ARHGEF10L: variants seen among roughly 807,000 people sequenced by gnomAD.
ARHGEF10L encodes Rho guanine nucleotide exchange factor 10 like.
A neutral mutation model predicts 141.2 loss-of-function variants in ARHGEF10L; 69 were observed. That is an observed-to-expected ratio of 0.49 (90% CI 0.40 to 0.60). The LOEUF (loss-of-function observed/expected upper bound fraction) is 0.60, where lower values mean the gene tolerates loss of function less well. Ranked by LOEUF, ARHGEF10L falls within the 20% of genes least tolerant of loss-of-function variation. The probability of loss-of-function intolerance (pLI) is 0.00; values close to 1 mark genes in which losing one functional copy is unlikely to be tolerated. For synonymous variants in ARHGEF10L, 711 were observed against 718.5 expected, an observed-to-expected ratio of 0.99 and a Z score of 0.17; for missense variants, 1,482 against 1,734.3, an observed-to-expected ratio of 0.85 and a Z score of 2.58.
intron 1 of ARHGEF10L, among the ~76,000 whole-genome samples, chr1:17,549,615 G>A (rs1035732263): frequency 8.5e-5 from 13 of 152,164 alleles, no homozygotes; most frequent in African/African-American, 2.9e-4. Context: ...TACAGCAAAT[G>A]CAAAAGCCCT....
chr1:17,519,305 C>T, the ARHGEF10L span, among the ~76,000 whole-genome samples: 1 of 151,978 alleles, frequency 6.6e-6, no homozygotes, highest in African/African-American at 2.4e-5. Context: ...ATTATAATCA[C>T]CCCAGGTTAA....
chr1:17,586,446 A>G (rs181356757), intron 2 of ARHGEF10L, among the ~76,000 whole-genome samples: 1 of 152,282 alleles, frequency 6.6e-6, no homozygotes, highest in African/African-American at 2.4e-5. Flanking sequence ...TGGTTTTGCA[A>G]TGGTTTGCAT....
rs1037214519 is a variant in ARHGEF10L, at chr1:17,623,597, G to A, written c.1200+422G>A. On this transcript the variant is annotated intron_variant, in intron 12 of 28. Transcript: ENST00000361221. This position sits in a 1 kb window ranked among gnomAD's most constrained non-coding sequence, Gnocchi z 4.7. ...TGCTGGGGAAAGGGCACTGGCTCAC[G>A]ATCCGGGGGACCTGGTTCTGGTCCC... is the stretch of plus-strand genomic sequence containing the variant. Among the ~76,000 whole-genome samples the A allele has an allele frequency of 2.0e-5, 3 of 152,152 alleles. No homozygotes were observed. The highest frequency in any genetic ancestry group is 4.8e-5 in the African/African-American group (2 of 41,434).
rs1372341806 is a variant in ARHGEF10L, at chr1:17,603,905, G to A, written c.433+314G>A. On this transcript the variant is annotated intron_variant, in intron 6 of 28. Transcript: ENST00000361221. This position sits in a 1 kb window ranked among gnomAD's most constrained non-coding sequence, Gnocchi z 4.8. Reference sequence around the variant, plus strand: ...GCCATACCCCAGGCTTTCTGGGGCTGTTGGGGAAGACGACAGACTGTTACA... The same window carrying A: ...GCCATACCCCAGGCTTTCTGGGGCTATTGGGGAAGACGACAGACTGTTACA... Among the ~76,000 whole-genome samples, 1 of 152,240 alleles carries A rather than the reference G, an allele frequency of 6.6e-6. No homozygotes were observed. The highest frequency in any genetic ancestry group is 1.5e-5 in the Non-Finnish European group (1 of 68,040).
intron 27 of ARHGEF10L, among the ~76,000 whole-genome samples, chr1:17,687,983 C>G (rs771873454): frequency 1.3e-5 from 2 of 152,200 alleles, no homozygotes; most frequent in Non-Finnish European, 2.9e-5. Context: ...CTGGGGCGCT[C>G]AGGAAATGGC....
Position 17,627,187 on chromosome 1 carries a change from A to C in ARHGEF10L, c.1411-143A>C. ...GCTGTTTCTTGAGGTCTTGTTCTGC[A>C]TCTGGTGCCATCTGTCCTGGCCTCA... On this transcript the variant is annotated intron_variant, in intron 14 of 28. Coordinates refer to ENST00000361221, the MANE Select transcript of ARHGEF10L (RefSeq NM_018125.4). This position sits in a 1 kb window ranked among gnomAD's most constrained non-coding sequence, Gnocchi z 4.0. 1.2e-6 allele frequency: 1 copy of C among 856,644 alleles called. No individual in the cohort carries two copies. The highest frequency in any genetic ancestry group is 1.8e-6 in the Non-Finnish European group (1 of 555,050). The allele number at this position is 856,644 out of a possible 1,614,324, so 53.1% of individuals were successfully genotyped here.
Position 17,654,692 on chromosome 1 carries a change from C to A in ARHGEF10L, c.2451C>A (p.Val817=), listed in dbSNP as rs577866317. Residue 817 remains valine (V), a synonymous_variant, in exon 23 of 29, where the codon GTC becomes GTA. Transcript: ENST00000361221. This position sits in a 1 kb window ranked among gnomAD's most constrained non-coding sequence, Gnocchi z 4.3. ...GTCCCCTGCTGGGTTTCTCAGCAGT[C>A]AGCACCTCCCTTCCACAGGGCTACC... ...VNCPLLGFSA[V]STSLPQGYLW... 97 of 1,614,210 alleles carry A rather than the reference C, an allele frequency of 6.0e-5. No homozygotes were observed. The highest frequency in any genetic ancestry group is 7.7e-5 in the Non-Finnish European group (91 of 1,180,050).
rs2080930044 is a variant in ARHGEF10L, at chr1:17,603,864, C to T, written c.433+273C>T. ...ATCACCTTTCTAAGCCTTGGTTCCT[C>T]CTTCAGGAAAATGGGGCCATACCCC... On this transcript the variant is annotated intron_variant, in intron 6 of 28. Transcript: ENST00000361221. This position sits in a 1 kb window ranked among gnomAD's most constrained non-coding sequence, Gnocchi z 4.8. Among the ~76,000 whole-genome samples, 1 of 152,244 alleles carries T rather than the reference C, an allele frequency of 6.6e-6. No individual in the cohort carries two copies. The highest frequency in any genetic ancestry group is 1.5e-5 in the Non-Finnish European group (1 of 68,046).
At chr1:17,694,718 C>T (rs2065359223) in intron 27 of ARHGEF10L, 1 of 351,002 alleles carries the variant, frequency 2.8e-6, no homozygotes, top group Non-Finnish European at 5.6e-6. Flanking sequence ...CCTACTTATG[C>T]CTTCCATCTG....
rs1415910524 is a variant in ARHGEF10L at position 17,640,220 on chromosome 1, C to G, written c.2190C>G (p.Ser730Arg). The G allele has an allele frequency of 6.2e-7, 1 of 1,612,548 alleles. No homozygotes were observed. The highest frequency in any genetic ancestry group is 1.7e-5 in the Admixed American group (1 of 59,858). ...GKPDKSGRPI[S>R]FMVVFITPNP... ...ACCACAGGTCCGGCCGCCCCATTAG[C>G]TTCATGGTGGTTTTCATCACCCCCA... The change falls in exon 21 of 29, where the codon AGC (serine) becomes AGG (arginine). Residue 730 changes from serine to arginine, a missense_variant. Ser to Arg is a moderately radical substitution (Grantham distance 110). Coordinates refer to ENST00000361221, the MANE Select transcript of ARHGEF10L (RefSeq NM_018125.4).
At chr1:17,516,591 G>T in the ARHGEF10L span, among the ~76,000 whole-genome samples, 1 of 152,318 alleles carries the variant, frequency 6.6e-6, no homozygotes, top group East Asian at 1.9e-4. Context: ...CGGTGGGTGA[G>T]ATGAGAAGGC....
intron 18 of ARHGEF10L, among the ~76,000 whole-genome samples, chr1:17,637,475 A>G (rs1571150182): frequency 6.6e-6 from 1 of 151,876 alleles, no homozygotes; most frequent in South Asian, 2.1e-4. Flanking sequence ...TGGTCAGGGT[A>G]GGAACTGGAT....
chr1:17,640,673 C>T (rs2061279140), intron 21 of ARHGEF10L, among the ~76,000 whole-genome samples: 1 of 152,076 alleles, frequency 6.6e-6, no homozygotes, highest in South Asian at 2.1e-4. Flanking sequence ...GGTGATTGCT[C>T]AACTCTGTGA....
At chr1:17,674,764 C>A (rs887985250) in intron 26 of ARHGEF10L, among the ~76,000 whole-genome samples, 44 of 152,140 alleles carry the variant, frequency 2.9e-4, no homozygotes, top group African/African-American at 9.7e-4. Context: ...TTTACTGTAC[C>A]TTTTCTATGT....
intron 22 of ARHGEF10L, 86 bp downstream of exon 22, chr1:17,648,761 C>A: frequency 6.5e-7 from 1 of 1,536,892 alleles, no homozygotes; most frequent in South Asian, 1.2e-5. Flanking sequence ...CCAGGGAGCG[C>A]CCACAGCAGG....
chr1:17,647,140 A>C (rs2061653243), intron 21 of ARHGEF10L, among the ~76,000 whole-genome samples: 1 of 152,154 alleles, frequency 6.6e-6, no homozygotes, highest in African/African-American at 2.4e-5. Context: ...GGCCTCTGCG[A>C]TGGAGCATCA....
intron 26 of ARHGEF10L, among the ~76,000 whole-genome samples, chr1:17,682,981 GCT>G (rs1271409293): frequency 6.6e-6 from 1 of 152,162 alleles, no homozygotes; most frequent in Admixed American, 6.5e-5. Flanking sequence ...TGAATTCTGA[GCT>G]CTCTCAGGGT....
At chr1:17,585,451 G>A (rs2078947253) in intron 2 of ARHGEF10L, among the ~76,000 whole-genome samples, 1 of 152,166 alleles carries the variant, frequency 6.6e-6, no homozygotes, top group Non-Finnish European at 1.5e-5. Flanking sequence ...TGGGGAAGGA[G>A]TTTGCTCTAC....
intron 4 of ARHGEF10L, among the ~76,000 whole-genome samples, chr1:17,588,849 AGTGTGTGTGTGTGTGTGTGTGTGT>A (rs57719075): frequency 4.9e-5 from 1 of 20,434 alleles, no homozygotes; most frequent in Admixed American, 8.2e-4. Context: ...GAGGGTCCCC[AGTGTGTGTGTGTGTGTGTGTGTGT>A]GTGTGTGTGT....
Sources: allele counts gnomAD v4.1 joint callset (sites outside exome capture counted in the v4.1 genomes callset), GRCh38; gene constraint gnomAD v4.1.1; non-coding constraint Gnocchi (gnomAD v3.1); transcripts MANE v1.5; gene names NCBI Gene and HGNC (gene_info 2026-07-23, HGNC 2026-07-21).